Variants in SUPT3H observed in about 807,000 individuals in gnomAD.
SUPT3H encodes transcription initiation protein SPT3 homolog.
A neutral mutation model predicts 44.3 loss-of-function variants in SUPT3H; 44 were observed. That is an observed-to-expected ratio of 0.99 (90% confidence interval 0.78 to 1.28). The LOEUF (loss-of-function observed/expected upper bound fraction) is 1.28. Ranked by LOEUF, SUPT3H falls within the 50% of genes most tolerant of loss-of-function variation. SUPT3H has a pLI of 0.00. For missense variants in SUPT3H, 380 were observed against 387.1 expected (o/e 0.98, Z 0.15); for synonymous variants, 124 against 125.6 (o/e 0.99, Z 0.09).
intron 6 of SUPT3H, among the ~76,000 whole-genome samples, chr6:44,962,268 T>C (rs911869256): frequency 1.3e-5 from 2 of 152,166 alleles, no homozygotes; most frequent in South Asian, 4.1e-4. Flanking sequence ...GGGGCCACAG[T>C]TGACAAATCC....
chr6:44,823,878 G>A (rs922621086), downstream of SUPT3H, among the ~76,000 whole-genome samples: 3 of 152,154 alleles, frequency 2.0e-5, no homozygotes, highest in Admixed American at 6.5e-5. Flanking sequence ...CAGGAGAATC[G>A]CTTGAACCTG....
intron 4 of SUPT3H, among the ~76,000 whole-genome samples, chr6:45,020,268 T>C (rs999031807): frequency 6.6e-6 from 1 of 151,914 alleles, no homozygotes. Flanking sequence ...AGTCAGTATT[T>C]AGTGAGTATC....
chr6:45,044,785 T>G (rs1223680848), intron 3 of SUPT3H, among the ~76,000 whole-genome samples: 1 of 152,136 alleles, frequency 6.6e-6, no homozygotes, highest in Non-Finnish European at 1.5e-5. Context: ...TTCTTAGGTC[T>G]TAGATTCTTG....
In SUPT3H at chr6:44,828,430, A is replaced by G. The variant is rs588813; in HGVS notation, c.*1386T>C. ...TAAATGACAGTTAACAAATGTAAAT[A>G]ATGTGGCATAATAATATTAACTGAG... On this transcript the variant is annotated 3_prime_UTR_variant, in exon 11 of 11. Transcript: ENST00000371459. 0.02 allele frequency among the ~76,000 whole-genome samples: 3,100 copies of G among 152,274 alleles called. 42 individuals carry two copies. Among genetic ancestry groups the G allele is most frequent in the Non-Finnish European group, 0.033 (2,214 of 67,984 alleles).
chr6:45,046,915 A>C (rs974132499), intron 3 of SUPT3H, among the ~76,000 whole-genome samples: 1 of 152,168 alleles, frequency 6.6e-6, no homozygotes. Flanking sequence ...GCAATGTTTT[A>C]TAATTTTTTG....
chr6:44,861,993 T>C (rs1455922101), intron 10 of SUPT3H, among the ~76,000 whole-genome samples: 1 of 152,200 alleles, frequency 6.6e-6, no homozygotes, highest in Non-Finnish European at 1.5e-5. Context: ...CTGACTCTGA[T>C]GTTCGCTTAA....
At chr6:45,206,954 G>C (rs942191202) in intron 2 of SUPT3H, among the ~76,000 whole-genome samples, 1 of 152,140 alleles carries the variant, frequency 6.6e-6, no homozygotes, top group Non-Finnish European at 1.5e-5. Flanking sequence ...GGAGTTCAGA[G>C]GAAAGCTCTA....
At chr6:44,986,858 A>T (rs764212659) in intron 6 of SUPT3H, among the ~76,000 whole-genome samples, 1 of 152,134 alleles carries the variant, frequency 6.6e-6, no homozygotes, top group Non-Finnish European at 1.5e-5. Flanking sequence ...AACAACATAT[A>T]AAAGATCACG....
chr6:45,093,221 G>T (rs751112244), intron 3 of SUPT3H, among the ~76,000 whole-genome samples: 13 of 152,016 alleles, frequency 8.6e-5, no homozygotes, highest in Non-Finnish European at 1.3e-4. Context: ...AATAAAAGTT[G>T]CTAATTATAT....
Position 44,956,266 on chromosome 6 carries a change from C to T in SUPT3H, c.581-1659G>A, listed in dbSNP as rs548699052. Among the ~76,000 whole-genome samples the T allele has an allele frequency of 3.3e-5, 5 of 151,866 alleles. No homozygotes were observed. The East Asian group carries it at 9.7e-4, about 30-fold the overall frequency. On this transcript the variant is annotated intron_variant, in intron 7 of 10. Transcript: ENST00000371459. ...TCGGAAGGCCAAGGTGGGCAGATCA[C>T]GAGGTCAAGAGATGGAGACCATCCT... is the stretch of plus-strand genomic sequence containing the variant.
intron 3 of SUPT3H, among the ~76,000 whole-genome samples, chr6:45,091,458 C>T (rs1291051651): frequency 6.6e-6 from 1 of 151,954 alleles, no homozygotes; most frequent in African/African-American, 2.4e-5. Context: ...TAAATTCAGT[C>T]TGATAAGTAC....
At chr6:44,921,570 C>T (rs1490696351) in intron 10 of SUPT3H, among the ~76,000 whole-genome samples, 2 of 152,194 alleles carry the variant, frequency 1.3e-5, no homozygotes, top group African/African-American at 4.8e-5. Context: ...CAAGCTAGCT[C>T]TCTTTTCTTT....
In SUPT3H at chr6:45,321,855, T is replaced by C. The variant is rs766607475; in HGVS notation, c.101+43346A>G. ...GATAACAATAGGGAAAAACTGATTT[T>C]CCAATTATTTCTATAGAATCTGTTT... On this transcript the variant is annotated intron_variant, in intron 2 of 10. Transcript: ENST00000371459. The C allele has an allele frequency of 2.5e-6, 4 of 1,596,538 alleles. No homozygotes were observed. In the Admixed American group the frequency reaches 6.9e-5, roughly 27 times the overall value.
intron 2 of SUPT3H, among the ~76,000 whole-genome samples, chr6:45,196,985 C>T (rs949856927): frequency 2.0e-5 from 3 of 151,438 alleles, no homozygotes; most frequent in African/African-American, 4.8e-5. Flanking sequence ...AACACATCCT[C>T]AGCTTCTGAG....
chr6:44,991,508 TTTTTA>T (rs1780609979), intron 6 of SUPT3H, among the ~76,000 whole-genome samples: 2 of 25,482 alleles, frequency 7.8e-5, no homozygotes, highest in African/African-American at 2.7e-4. Context: ...TCCAAAATTC[TTTTTA>T]TTTATTTATT....
Position 45,039,564 on chromosome 6 carries a change from G to A in SUPT3H, c.187-18932C>T, listed in dbSNP as rs1474578339. On this transcript the variant is annotated intron_variant, in intron 3 of 10. Coordinates refer to ENST00000371459, the MANE Select transcript of SUPT3H (RefSeq NM_003599.4). ...AGAGGCTAAGGCTGGTGGATCACTC[G>A]AGGTCAAGAGTTCGAGACCAGCCAG... Among the ~76,000 whole-genome samples, 4 of 152,064 alleles carry A rather than the reference G, an allele frequency of 2.6e-5. No individual in the cohort carries two copies. The East Asian group carries it at 5.8e-4, about 22-fold the overall frequency.
chr6:45,033,256 A>T (rs1310047605), intron 3 of SUPT3H, among the ~76,000 whole-genome samples: 1 of 152,184 alleles, frequency 6.6e-6, no homozygotes, highest in East Asian at 1.9e-4. Flanking sequence ...GAAGTCTCAG[A>T]AGGATAAATC....
intron 6 of SUPT3H, among the ~76,000 whole-genome samples, chr6:44,989,947 T>C (rs562693078): frequency 6.6e-6 from 1 of 152,260 alleles, no homozygotes; most frequent in East Asian, 1.9e-4. Context: ...ACCCACAGGT[T>C]TCCTTTTCAT....
intron 2 of SUPT3H, among the ~76,000 whole-genome samples, chr6:45,288,567 ATATATATATATATATG>A (rs1562882342): frequency 1.2e-3 from 56 of 46,554 alleles, no homozygotes; most frequent in South Asian, 3.2e-3. Flanking sequence ...ATATATATGT[ATATATATATATATATG>A]TATATATATA....
Sources: gnomAD v4.1 joint callset for allele counts (sites outside exome capture counted in the v4.1 genomes callset) on GRCh38, gnomAD v4.1.1 for gene constraint, MANE v1.5 for transcripts, NCBI Gene and HGNC (gene_info 2026-07-23, HGNC 2026-07-21) for gene names.